The following ANKRD30A variants were observed in gnomAD, a reference collection of about 807,000 sequenced individuals.
The protein encoded by ANKRD30A is ankyrin repeat domain 30A, also known as ankyrin repeat domain-containing protein 30A.
In ANKRD30A, 170 loss-of-function variants were observed where a neutral mutation model predicts 166.3. The ratio of observed to expected loss-of-function variants is 1.02; its 90% CI spans 0.90 to 1.16. The LOEUF is 1.16. Ranked by LOEUF, ANKRD30A falls within the 50% of genes most tolerant of loss-of-function variation. ANKRD30A has a pLI of 0.00. For synonymous variants in ANKRD30A, 564 were observed against 508.9 expected (o/e 1.11, Z -1.46); for missense variants, 1,630 against 1,518.0 (o/e 1.07, Z -1.23).
At position 37,219,895 on chromosome 10, in the gene ANKRD30A, GAAGT is replaced by G. The variant is rs1842805225; in HGVS notation, c.4185+4_4185+7del. On this transcript the variant is annotated splice_donor_variant and coding_sequence_variant, in exon 34 of 36. Transcript: ENST00000361713. LOFTEE classifies it high-confidence loss of function. ...ATATGAAAAAGAGAAAGCAGAAACA[GAAGT>G]AAGTATCAAAAAATATAAATACTTG... 3.4e-6 allele frequency: 5 copies of G among 1,487,014 alleles called. No homozygotes were observed. The highest frequency in any genetic ancestry group is 2.9e-5 in the African/African-American group (2 of 68,930). The allele number at this position is 1,487,014 out of a possible 1,614,324, so 92.1% of individuals were successfully genotyped here.
chr10:37,130,388 A>G lies in ANKRD30A; in HGVS notation c.510+10A>G. 7.1e-7 allele frequency: 1 copy of G among 1,416,126 alleles called. No individual in the cohort carries two copies. Among genetic ancestry groups the G allele is most frequent in the Non-Finnish European group, 9.3e-7 (1 of 1,077,258 alleles). 87.7% of individuals were successfully genotyped at this position (1,416,126 alleles called of 1,614,324 possible). ...CGAAGTGCACAACAAGGTAGACACTAACCAATGTTATTTTCAAAATATTTG... is the reference window on the plus strand; with the variant it reads ...CGAAGTGCACAACAAGGTAGACACTGACCAATGTTATTTTCAAAATATTTG... On this transcript the variant is annotated intron_variant, in intron 3 of 35. Coordinates refer to ENST00000361713, the MANE Select transcript of ANKRD30A (RefSeq NM_052997.3).
chr10:37,205,702 A>G (rs780904415), intron 31 of ANKRD30A, among the ~76,000 whole-genome samples: 30 of 152,234 alleles, frequency 2.0e-4, no homozygotes, highest in Non-Finnish European at 4.0e-4. Flanking sequence ...ATTGGTGAAT[A>G]TAAGCATATA....
chr10:37,160,185 G>A (rs1410776539), intron 15 of ANKRD30A, among the ~76,000 whole-genome samples: 8 of 152,092 alleles, frequency 5.3e-5, no homozygotes, highest in Admixed American at 3.9e-4. Flanking sequence ...ACTAAAAGTC[G>A]ACATTAAATG....
intron 30 of ANKRD30A, 143 bp from the exon 31 acceptor site, chr10:37,201,092 T>G (rs1427452510): frequency 3.8e-6 from 2 of 523,872 alleles, no homozygotes; most frequent in Non-Finnish European, 6.2e-6. Context: ...TAAAATGTTT[T>G]TTTTTATACG....
chr10:37,192,273 G>T (rs1840650778), intron 25 of ANKRD30A, among the ~76,000 whole-genome samples: 2 of 151,972 alleles, frequency 1.3e-5, no homozygotes, highest in South Asian at 4.2e-4. Context: ...GGAACTCCTG[G>T]CCTCCAGAGA....
the ANKRD30A span, among the ~76,000 whole-genome samples, chr10:37,250,430 G>A: frequency 6.6e-6 from 1 of 152,038 alleles, no homozygotes; most frequent in African/African-American, 2.4e-5. Context: ...GGATGGGGAT[G>A]CCTGAACTTG....
chr10:37,159,887 G>A (rs757238758), intron 15 of ANKRD30A, among the ~76,000 whole-genome samples: 9 of 152,186 alleles, frequency 5.9e-5, no homozygotes, highest in Admixed American at 5.2e-4. Context: ...GTAGAGACAG[G>A]GTTTCAGTGT....
intron 34 of ANKRD30A, among the ~76,000 whole-genome samples, chr10:37,229,875 A>G (rs2132764890): frequency 6.6e-6 from 1 of 152,082 alleles, no homozygotes; most frequent in Admixed American, 6.6e-5. Context: ...TACAGGCATC[A>G]GATGCATAAT....
chr10:37,189,723 C>G (rs752912200), intron 25 of ANKRD30A, among the ~76,000 whole-genome samples, 166 bp downstream of exon 25: 14 of 149,216 alleles, frequency 9.4e-5, no homozygotes, highest in African/African-American at 3.2e-4. Context: ...GCATTGGCAA[C>G]AGACTATATT....
intron 15 of ANKRD30A, among the ~76,000 whole-genome samples, chr10:37,159,759 G>C (rs140956525): frequency 1.1e-3 from 170 of 151,956 alleles, no homozygotes; most frequent in Middle Eastern, 3.4e-3. Context: ...GCCATGGCGC[G>C]ATCTCGGCTC....
the ANKRD30A span, among the ~76,000 whole-genome samples, chr10:37,249,411 G>C: frequency 6.6e-6 from 1 of 151,628 alleles, no homozygotes; most frequent in Admixed American, 6.6e-5. Context: ...TGGGAAGTAA[G>C]TAAATAGAGC....
chr10:37,138,203 A>G (rs1836851166), intron 6 of ANKRD30A, among the ~76,000 whole-genome samples: 2 of 152,188 alleles, frequency 1.3e-5, no homozygotes, highest in Non-Finnish European at 2.9e-5. Context: ...AACAGAAAGG[A>G]CATCCACACC....
chr10:37,152,184 G>T, intron 12 of ANKRD30A, 63 bp downstream of exon 12: 1 of 1,372,052 alleles, frequency 7.3e-7, no homozygotes, highest in Non-Finnish European at 1.0e-6. Flanking sequence ...CATAAAGGCA[G>T]AGGCTTAGGC....
intron 31 of ANKRD30A, among the ~76,000 whole-genome samples, chr10:37,214,868 T>C (rs1842524078): frequency 6.6e-6 from 1 of 151,490 alleles, no homozygotes. Context: ...AGCCAATTTT[T>C]CCTCAAATGT....
intron 26 of ANKRD30A, 33 bp from the exon 27 acceptor site, chr10:37,193,153 T>C: frequency 6.2e-7 from 1 of 1,608,356 alleles, no homozygotes; most frequent in Non-Finnish European, 8.5e-7. Flanking sequence ...GTATACATTG[T>C]ATATTAATTG....
intron 31 of ANKRD30A, among the ~76,000 whole-genome samples, chr10:37,207,262 A>G (rs1842049288): frequency 3.3e-5 from 5 of 152,178 alleles, no homozygotes; most frequent in Admixed American, 3.3e-4. Context: ...TACCTTCTCA[A>G]TTATAAGATA....
chr10:37,249,507 A>G, the ANKRD30A span, among the ~76,000 whole-genome samples: 9 of 152,264 alleles, frequency 5.9e-5, no homozygotes, highest in East Asian at 1.7e-3. Context: ...TATTTAAAGT[A>G]GAGGAAATTC....
chr10:37,167,131 G>T (rs1839417667), intron 19 of ANKRD30A, among the ~76,000 whole-genome samples: 1 of 151,722 alleles, frequency 6.6e-6, no homozygotes, highest in Admixed American at 6.6e-5. Context: ...TTCTATGAAG[G>T]AAAATGGAGT....
intron 29 of ANKRD30A, 72 bp downstream of exon 29, chr10:37,197,552 C>T: frequency 6.2e-7 from 1 of 1,600,594 alleles, no homozygotes; most frequent in East Asian, 2.2e-5. Flanking sequence ...TTTCTATCCC[C>T]AATGCTTTAT....
Sources: allele counts gnomAD v4.1 joint callset (sites outside exome capture counted in the v4.1 genomes callset), GRCh38; gene constraint gnomAD v4.1.1; transcripts MANE v1.5; gene names NCBI Gene and HGNC (gene_info 2026-07-23, HGNC 2026-07-21).